Variants in NAV3 observed in about 807,000 individuals in gnomAD.
NAV3 encodes the protein neuron navigator 3.
In NAV3, 87 loss-of-function variants were observed where a neutral mutation model predicts 244.7. That is an observed-to-expected ratio of 0.36 (90% CI 0.30 to 0.42). NAV3 has a LOEUF of 0.42. Among genes scored for constraint, NAV3 ranks in the 20% least tolerant of loss-of-function variants. NAV3 has a pLI of 1.00. For missense variants in NAV3, 2,663 were observed against 2,893.3 expected (o/e 0.92, Z 1.83); for synonymous variants, 1,126 against 1,042.2 (o/e 1.08, Z -1.55).
At chr12:77,791,980 G>A (rs1871196580) in intron 2 of NAV3, among the ~76,000 whole-genome samples, 1 of 152,086 alleles carries the variant, frequency 6.6e-6, no homozygotes, top group Non-Finnish European at 1.5e-5. Flanking sequence ...GTATTTGGGG[G>A]AGTTCCAGAA....
chr12:77,671,780 T>C (rs1187137411), intron 2 of NAV3, among the ~76,000 whole-genome samples: 1 of 152,024 alleles, frequency 6.6e-6, no homozygotes, highest in African/African-American at 2.4e-5. Context: ...CAGACTTAAA[T>C]CTAAGGCATG....
Position 78,119,767 on chromosome 12 carries a change from C to T in NAV3, c.3571C>T (p.Pro1191Ser), listed in dbSNP as rs1955587649. ...PTKIGSGRSS[P>S]VTVNQTDKEK... ...TAAAATTGGGTCAGGGCGCTCGAGT[C>T]CTGTCACCGTCAACCAAACAGACAA... The change falls in exon 15 of 40, where the codon CCT (proline) becomes TCT (serine). Residue 1191 changes from proline to serine, a missense_variant. Pro to Ser is a moderately conservative substitution (Grantham distance 74). Coordinates refer to ENST00000397909, the MANE Select transcript of NAV3 (RefSeq NM_001024383.2). 4 of 1,614,042 alleles carry T rather than the reference C, an allele frequency of 2.5e-6. No homozygotes were observed. Among genetic ancestry groups the T allele is most frequent in the Non-Finnish European group, 3.4e-6 (4 of 1,180,018 alleles).
intron 12 of NAV3, among the ~76,000 whole-genome samples, chr12:78,064,462 C>CCTGT (rs1566082418): frequency 6.7e-6 from 1 of 149,962 alleles, no homozygotes; most frequent in Admixed American, 6.7e-5. Context: ...TGCCTGCCTG[C>CCTGT]CTGTCTGTCT....
intron 2 of NAV3, among the ~76,000 whole-genome samples, chr12:77,761,596 C>G (rs1869466206): frequency 6.6e-6 from 1 of 151,880 alleles, no homozygotes; most frequent in Non-Finnish European, 1.5e-5. Flanking sequence ...AACAAACAAC[C>G]CCATCAAAAA....
intron 2 of NAV3, among the ~76,000 whole-genome samples, chr12:77,651,577 G>A (rs958591536): frequency 6.6e-6 from 1 of 152,108 alleles, no homozygotes; most frequent in Non-Finnish European, 1.5e-5. Context: ...GCCCTTAACT[G>A]CCTGAGACCA....
chr12:78,079,847 A>G (rs1953257590), intron 12 of NAV3, among the ~76,000 whole-genome samples: 2 of 152,190 alleles, frequency 1.3e-5, no homozygotes, highest in African/African-American at 4.8e-5. Flanking sequence ...TCTCTTGCCT[A>G]CGTAGGACAG....
rs1349460724 is a variant in NAV3 at position 78,128,784 on chromosome 12, G to A, written c.4359G>A (p.Gln1453=). Residue 1453 remains glutamine (Q), a synonymous_variant, in exon 18 of 40, where the codon CAG becomes CAA. Transcript: ENST00000397909. Reference sequence around the variant, plus strand: ...GTTCTCATTCTACTGGAGGGCTTCAGGACACTGGCAACCAGTCACCTCTGG... The same window carrying A: ...GTTCTCATTCTACTGGAGGGCTTCAAGACACTGGCAACCAGTCACCTCTGG... ...WLRSHSTGGL[Q]DTGNQSPLVS... 2 of 1,613,938 alleles carry A rather than the reference G, an allele frequency of 1.2e-6. No homozygotes were observed. The highest frequency in any genetic ancestry group is 1.7e-6 in the Non-Finnish European group (2 of 1,179,982).
chr12:77,951,477 T>C (rs960884445), intron 3 of NAV3, among the ~76,000 whole-genome samples: 5 of 152,178 alleles, frequency 3.3e-5, no homozygotes, highest in Non-Finnish European at 5.9e-5. Flanking sequence ...GGTGGGACTG[T>C]AAACTAGTTC....
chr12:77,746,332 A>G (rs991338882), intron 2 of NAV3, among the ~76,000 whole-genome samples: 2 of 152,156 alleles, frequency 1.3e-5, no homozygotes, highest in Non-Finnish European at 2.9e-5. Flanking sequence ...GTGGTTGCCT[A>G]GAAACACTAG....
At chr12:78,042,087 A>C (rs530711167) in intron 9 of NAV3, among the ~76,000 whole-genome samples, 1 of 152,218 alleles carries the variant, frequency 6.6e-6, no homozygotes, top group East Asian at 1.9e-4. Context: ...ACTTTTATTG[A>C]AAGTGCCCAT....
intron 1 of NAV3, among the ~76,000 whole-genome samples, chr12:77,883,937 G>A (rs887598438): frequency 7.2e-5 from 11 of 152,080 alleles, no homozygotes; most frequent in Non-Finnish European, 8.8e-5. Context: ...GAAATGAACT[G>A]TATTTGGCCA....
At chr12:77,681,070 C>A (rs1043644417) in intron 2 of NAV3, among the ~76,000 whole-genome samples, 3 of 152,044 alleles carry the variant, frequency 2.0e-5, no homozygotes, top group African/African-American at 4.8e-5. Context: ...CTTAAATTTG[C>A]CTAGTATTTT....
chr12:77,703,548 G>A (rs1875653807), intron 2 of NAV3, among the ~76,000 whole-genome samples: 1 of 151,974 alleles, frequency 6.6e-6, no homozygotes. Context: ...CTAGGAATAC[G>A]CTTACTGAGT....
chr12:77,823,535 T>C (rs890909507), intron 2 of NAV3, among the ~76,000 whole-genome samples: 1 of 152,230 alleles, frequency 6.6e-6, no homozygotes, highest in African/African-American at 2.4e-5. Flanking sequence ...GTGTGTTAGA[T>C]TCACAAAATT....
chr12:77,719,612 G>A (rs1374124112), intron 2 of NAV3, among the ~76,000 whole-genome samples: 1 of 152,016 alleles, frequency 6.6e-6, no homozygotes, highest in East Asian at 1.9e-4. Flanking sequence ...AGTTACATAT[G>A]TTCAACCCAC....
intron 12 of NAV3, among the ~76,000 whole-genome samples, chr12:78,109,389 C>T (rs1340105860): frequency 6.6e-6 from 1 of 151,908 alleles, no homozygotes; most frequent in East Asian, 1.9e-4. Flanking sequence ...AAGAAGAATA[C>T]CAGTCTTCTT....
At chr12:78,050,629 A>T (rs1882599534) in intron 10 of NAV3, 135 bp from the exon 11 acceptor site, 2 of 914,518 alleles carry the variant, frequency 2.2e-6, no homozygotes, top group Middle Eastern at 2.2e-4. Context: ...CAAAATGAAT[A>T]TAGAGTTTAG....
rs200152687 is a variant in NAV3, at chr12:77,873,679, GTATATATA to G, written c.243+41998_243+42005del. 7.5e-3 allele frequency among the ~76,000 whole-genome samples: 803 copies of G among 107,308 alleles called. 20 individuals carry two copies. Among genetic ancestry groups the G allele is most frequent in the African/African-American group, 0.024 (744 of 31,640 alleles). 70.4% of individuals were successfully genotyped at this position (107,308 alleles called of 152,430 possible). On this transcript the variant is annotated intron_variant, in intron 1 of 39. Transcript: ENST00000397909. ...TTATATATATACATGATTTGTATGT[GTATATATA>G]TATATATATATATATATATATACAT...
intron 2 of NAV3, among the ~76,000 whole-genome samples, chr12:77,630,326 C>G (rs1219138889): frequency 5.3e-5 from 8 of 152,160 alleles, no homozygotes; most frequent in Admixed American, 5.2e-4. Flanking sequence ...TTTTTATGAA[C>G]TATTCCTATA....
Sources: gnomAD v4.1 joint callset for allele counts (sites outside exome capture counted in the v4.1 genomes callset) on GRCh38, gnomAD v4.1.1 for gene constraint, MANE v1.5 for transcripts, NCBI Gene and HGNC (gene_info 2026-07-23, HGNC 2026-07-21) for gene names.